The following ANKRD33B variants were observed in gnomAD, a reference collection of about 807,000 sequenced individuals.
ANKRD33B encodes ankyrin repeat domain 33B.
ANKRD33B carries 6 observed loss-of-function variants against 21.5 expected under a neutral mutation model. That is an observed-to-expected ratio of 0.28 (90% confidence interval 0.15 to 0.55). The LOEUF is 0.55. Among genes scored for constraint, ANKRD33B ranks in the 20% least tolerant of loss-of-function variants. ANKRD33B has a pLI of 0.94. For missense variants in ANKRD33B, 698 were observed against 747.2 expected (o/e 0.93, Z 0.77); for synonymous variants, 347 against 342.4 (o/e 1.01, Z -0.15).
At chr5:10,633,189 C>T (rs1043741019) in intron 2 of ANKRD33B, among the ~76,000 whole-genome samples, 2 of 150,970 alleles carry the variant, frequency 1.3e-5, no homozygotes, top group Non-Finnish European at 1.5e-5. Context: ...GCAACCTCCA[C>T]CTCCTGGGTT....
rs55940283 is a variant in ANKRD33B at position 10,586,485 on chromosome 5, CTGTGTGTGTGTGTGTG to C, written c.366+21686_366+21701del. Among the ~76,000 whole-genome samples the C allele has an allele frequency of 6.1e-3, 859 of 140,506 alleles. 10 individuals carry two copies. The highest frequency in any genetic ancestry group is 0.024 in the South Asian group (97 of 4,092). The allele number at this position is 140,506 out of a possible 152,430, so 92.2% of individuals were successfully genotyped here. A position where few individuals can be genotyped will look rare whatever the true frequency, so the allele number is the denominator to read the frequency against. On this transcript the variant is annotated intron_variant, in intron 1 of 3. Coordinates refer to ENST00000296657, the MANE Select transcript of ANKRD33B (RefSeq NM_001164440.2). ...TACGATGTGCGTTGGGTTCTTGTAACTGTGTGTGTGTGTGTGTGTGTGTGTGTGTGTGTGTGTGTGT... is the reference window on the plus strand; with the variant it reads ...TACGATGTGCGTTGGGTTCTTGTAACTGTGTGTGTGTGTGTGTGTGTGTGT...
At chr5:10,613,247 A>G (rs1006857407) in intron 1 of ANKRD33B, among the ~76,000 whole-genome samples, 1 of 148,508 alleles carries the variant, frequency 6.7e-6, no homozygotes. Context: ...GCATTTGTTT[A>G]TAGTGGTTAT....
chr5:10,649,986 T>A lies in ANKRD33B; in HGVS notation c.1358T>A (p.Leu453Gln). 1 of 1,533,466 alleles carries A rather than the reference T, an allele frequency of 6.5e-7. No individual in the cohort carries two copies. Among genetic ancestry groups the A allele is most frequent in the Non-Finnish European group, 8.7e-7 (1 of 1,144,838 alleles). The allele number at this position is 1,533,466 out of a possible 1,614,324, so 95.0% of individuals were successfully genotyped here. ...GGCAGCACCAAGGACAGCGGCCACC[T>A]GCAGATCCCCAAGTGGCGGTACAAG... ...RKGSTKDSGH[L>Q]QIPKWRYKEA... The change falls in exon 4 of 4, where the codon CTG (leucine) becomes CAG (glutamine). Residue 453 changes from leucine (L) to glutamine (Q), a missense_variant. This residue lies in a region of ANKRD33B where 543 missense variants were observed against 566.5 expected (regional missense o/e 0.96). Transcript: ENST00000296657.
rs1190569483 is a variant in ANKRD33B, at chr5:10,655,718, T to G, written c.*5605T>G. 1 of 152,354 alleles carries G rather than the reference T, an allele frequency of 6.6e-6. No individual in the cohort carries two copies. Among genetic ancestry groups the G allele is most frequent in the African/African-American group, 2.4e-5 (1 of 41,458 alleles). 9.4% of individuals were successfully genotyped at this position (152,354 alleles called of 1,614,324 possible). A position where few individuals can be genotyped will look rare whatever the true frequency, so the allele number is the denominator to read the frequency against. On this transcript the variant is annotated 3_prime_UTR_variant, in exon 4 of 4. Transcript: ENST00000296657. ...GCTTTTGCAGTATTTGGGGAAATTC[T>G]AACACATTTCCCGGGGATTTGCCCA...
intron 1 of ANKRD33B, among the ~76,000 whole-genome samples, chr5:10,580,338 C>T (rs963600358): frequency 6.6e-6 from 1 of 152,222 alleles, no homozygotes; most frequent in African/African-American, 2.4e-5. Context: ...GCTGACCTGT[C>T]GCTGCAGAGG....
rs181214425 is a variant in ANKRD33B, at chr5:10,632,842, C to T, written c.497-5186C>T. Among the ~76,000 whole-genome samples, 14 of 152,322 alleles carry T rather than the reference C, an allele frequency of 9.2e-5. No individual in the cohort carries two copies. In the East Asian group the frequency reaches 2.7e-3, roughly 29 times the overall value. On this transcript the variant is annotated intron_variant, in intron 2 of 3. Transcript: ENST00000296657. ...TTGCTCTGTTGCCCAGGCTGGAGTA[C>T]AGTGGCATGATCTCTGCTCACTGCA...
intron 2 of ANKRD33B, among the ~76,000 whole-genome samples, chr5:10,625,582 G>C (rs983727962): frequency 6.6e-6 from 1 of 152,232 alleles, no homozygotes; most frequent in Non-Finnish European, 1.5e-5. Context: ...CTCATGCCCG[G>C]TTCCCCACCA....
intron 1 of ANKRD33B, among the ~76,000 whole-genome samples, chr5:10,566,964 A>ATTTTG (rs1254270050): frequency 1.2e-4 from 18 of 151,920 alleles, no homozygotes; most frequent in African/African-American, 3.1e-4. Flanking sequence ...TTCCAGTTTT[A>ATTTTG]TTTTGTTTTG....
intron 1 of ANKRD33B, among the ~76,000 whole-genome samples, chr5:10,581,648 G>A (rs1263850850): frequency 1.3e-5 from 2 of 152,226 alleles, no homozygotes; most frequent in Admixed American, 6.5e-5. Context: ...TGGTCTAGGT[G>A]TTCCTGTGCA....
intron 3 of ANKRD33B, among the ~76,000 whole-genome samples, chr5:10,641,197 A>G (rs1302701277): frequency 1.4e-5 from 2 of 140,648 alleles, no homozygotes; most frequent in East Asian, 4.4e-4. Flanking sequence ...TCTTCTTCTT[A>G]GTTGTCCCCA....
At chr5:10,572,372 G>A (rs554169402) in intron 1 of ANKRD33B, among the ~76,000 whole-genome samples, 1 of 152,194 alleles carries the variant, frequency 6.6e-6, no homozygotes, top group East Asian at 1.9e-4. Context: ...CTGAGTCAGG[G>A]CCTACTTTTC....
Position 10,654,524 on chromosome 5 carries a change from CTGA to C in ANKRD33B, c.*4415_*4417del, listed in dbSNP as rs1737437342. On this transcript the variant is annotated 3_prime_UTR_variant, in exon 4 of 4. Coordinates refer to ENST00000296657, the MANE Select transcript of ANKRD33B (RefSeq NM_001164440.2). ...TATTTCTCAGACAATGTCGATGCTG[CTGA>C]TGACAACTGAGATGCCTGGAGCTCA... is the stretch of plus-strand genomic sequence containing the variant. The C allele has an allele frequency of 6.6e-6, 1 of 152,414 alleles. No individual in the cohort carries two copies. The allele number at this position is 152,414 out of a possible 1,614,324, so 9.4% of individuals were successfully genotyped here.
intron 2 of ANKRD33B, among the ~76,000 whole-genome samples, chr5:10,623,756 G>A (rs1736476331): frequency 6.6e-6 from 1 of 152,232 alleles, no homozygotes; most frequent in Admixed American, 6.5e-5. Context: ...GCCGGGGTAT[G>A]TACCAGGGTC....
chr5:10,641,801 TAAAA>T (rs112089497), intron 3 of ANKRD33B, among the ~76,000 whole-genome samples: 1 of 148,826 alleles, frequency 6.7e-6, no homozygotes, highest in African/African-American at 2.5e-5. Flanking sequence ...TTCTTGGAAA[TAAAA>T]AAAAAAACAT....
chr5:10,638,750 T>A (rs2126601001), intron 3 of ANKRD33B, among the ~76,000 whole-genome samples: 1 of 152,172 alleles, frequency 6.6e-6, no homozygotes, highest in East Asian at 1.9e-4. Context: ...GTGGAGTTGC[T>A]TGTTAACGTT....
In ANKRD33B at chr5:10,572,182, C is replaced by T. The variant is rs370473670; in HGVS notation, c.366+7349C>T. ...GGGATTACAGGCGTGAGCCACCACA[C>T]CCGGCCAGGGCATCAGTATTTTCTA... On this transcript the variant is annotated intron_variant, in intron 1 of 3. Transcript: ENST00000296657. 3.9e-5 allele frequency among the ~76,000 whole-genome samples: 6 copies of T among 152,278 alleles called. No individual in the cohort carries two copies. In the East Asian group the frequency reaches 5.8e-4, roughly 15 times the overall value.
intron 1 of ANKRD33B, among the ~76,000 whole-genome samples, chr5:10,586,527 GTGTGTGTA>G (rs1229284052): frequency 2.5e-4 from 30 of 121,008 alleles, no homozygotes; most frequent in African/African-American, 8.6e-4. Context: ...GTGTGTGTGT[GTGTGTGTA>G]TACTGCTTTC....
intron 1 of ANKRD33B, 101 bp downstream of exon 1, chr5:10,564,934 C>A: frequency 7.2e-7 from 1 of 1,383,942 alleles, no homozygotes. Flanking sequence ...CCGGACCGGT[C>A]CCTCGGTCAC....
At chr5:10,617,472 A>G in intron 1 of ANKRD33B, among the ~76,000 whole-genome samples, 1 of 152,140 alleles carries the variant, frequency 6.6e-6, no homozygotes, top group East Asian at 1.9e-4. Context: ...TCTAACAGCA[A>G]ATCTTCCTTT....
Sources: allele counts gnomAD v4.1 joint callset (sites outside exome capture counted in the v4.1 genomes callset), GRCh38; gene constraint gnomAD v4.1.1; regional missense constraint gnomAD v4.1.1; transcripts MANE v1.5; gene names NCBI Gene and HGNC (gene_info 2026-07-23, HGNC 2026-07-21).